GNL1: variants seen among roughly 807,000 people sequenced by gnomAD.
GNL1 encodes the protein guanine nucleotide-binding protein-like 1.
GNL1 carries 21 observed loss-of-function variants against 75.2 expected under a neutral mutation model. The ratio of observed to expected loss-of-function variants is 0.28; its 90% CI spans 0.20 to 0.40. The LOEUF is 0.40. Ranked by LOEUF, GNL1 falls within the 10% of genes least tolerant of loss-of-function variation. The pLI, the probability that GNL1 is intolerant of heterozygous loss-of-function variation, is 1.00. For synonymous variants in GNL1, 287 were observed against 303.4 expected, an observed-to-expected ratio of 0.95 and a Z score of 0.56; for missense variants, 579 against 775.0, an observed-to-expected ratio of 0.75 and a Z score of 3.00.
At position 30,545,941 on chromosome 6, in the gene GNL1, C is replaced by A; in HGVS notation, c.*131G>T. 1 of 694,152 alleles carries A rather than the reference C, an allele frequency of 1.4e-6. No individual in the cohort carries two copies. Among genetic ancestry groups the A allele is most frequent in the Non-Finnish European group, 2.5e-6 (1 of 401,746 alleles). The allele number at this position is 694,152 out of a possible 1,614,324, so 43.0% of individuals were successfully genotyped here. On this transcript the variant is annotated 3_prime_UTR_variant, in exon 12 of 12. Transcript: ENST00000376621. ...GTTAGCCTGGAACAGCCGCTCTCAC[C>A]TCAGTTCATCTGGGGAAGGGGCTAC...
intron 8 of GNL1, among the ~76,000 whole-genome samples, chr6:30,550,484 T>G (rs1156522111): frequency 6.6e-6 from 1 of 152,170 alleles, no homozygotes; most frequent in Non-Finnish European, 1.5e-5. Flanking sequence ...CTTCCGGCCC[T>G]GTCTCACCAC....
chr6:30,546,152 C>CA lies in GNL1; in HGVS notation c.1743dup (p.Glu582Ter), dbSNP rs1799436094. ...CCTGGAGCCGAGGTTGGGGTCTCCT[C>CA]ATCCCCTTCTCCCTCCTCATCCGCA... On this transcript the variant is annotated frameshift_variant, in exon 12 of 12. Coordinates refer to ENST00000376621, the MANE Select transcript of GNL1 (RefSeq NM_005275.5). LOFTEE classifies it high-confidence loss of function. The surrounding 1 kb of genome is among the most constrained non-coding windows in gnomAD (Gnocchi z 5.1). 6.4e-7 allele frequency: 1 copy of CA among 1,566,008 alleles called. No individual in the cohort carries two copies. The highest frequency in any genetic ancestry group is 1.4e-5 in the African/African-American group (1 of 73,684).
Position 30,555,518 on chromosome 6 carries a change from C to T in GNL1, c.239+37G>A, listed in dbSNP as rs751534597. On this transcript the variant is annotated intron_variant, in intron 2 of 11. Transcript: ENST00000376621. The surrounding 1 kb of genome is among the most constrained non-coding windows in gnomAD (Gnocchi z 4.3). ...CCCAAAGCTCTGACTTCCGGGTAGG[C>T]GGGAAAGCCGGGACCAGCGCCCCCT... 1.3e-6 allele frequency: 2 copies of T among 1,580,824 alleles called. No individual in the cohort carries two copies. Among genetic ancestry groups the T allele is most frequent in the South Asian group, 1.1e-5 (1 of 88,278 alleles).
At chr6:30,551,053 C>A (rs1025177801) in intron 8 of GNL1, among the ~76,000 whole-genome samples, 6 of 152,194 alleles carry the variant, frequency 3.9e-5, no homozygotes, top group Admixed American at 1.3e-4. Context: ...AATCTACAGA[C>A]CTTTTTGCCA....
At chr6:30,554,717 A>G in intron 4 of GNL1, 47 bp downstream of exon 4, 1 of 1,605,596 alleles carries the variant, frequency 6.2e-7, no homozygotes, top group Non-Finnish European at 8.5e-7. Flanking sequence ...AACCAATTTG[A>G]CCATAGGTCA....
At position 30,548,199 on chromosome 6, in the gene GNL1, G is replaced by A. The variant is rs199839259; in HGVS notation, c.1100-669C>T. ...CTCAAAAAATAATAATAATAATTAC[G>A]ATGACTTGTCCAAGGAGAAAACTGG... On this transcript the variant is annotated intron_variant, in intron 8 of 11. Coordinates refer to ENST00000376621, the MANE Select transcript of GNL1 (RefSeq NM_005275.5). This position sits in a 1 kb window ranked among gnomAD's most constrained non-coding sequence, Gnocchi z 4.2. 7.9e-5 allele frequency among the ~76,000 whole-genome samples: 12 copies of A among 152,038 alleles called. No homozygotes were observed. Among genetic ancestry groups the A allele is most frequent in the Admixed American group, 7.9e-4 (12 of 15,272 alleles).
At position 30,552,693 on chromosome 6, in the gene GNL1, C is replaced by T. The variant is rs540874668; in HGVS notation, c.905-32G>A. ...AAAGAAGGAGAAGATTAAAGAGGTT[C>T]TCCCCAGGGCTGCTGTGCATGATGG... On this transcript the variant is annotated intron_variant, in intron 7 of 11. Transcript: ENST00000376621. This position sits in a 1 kb window ranked among gnomAD's most constrained non-coding sequence, Gnocchi z 4.5. The T allele has an allele frequency of 5.9e-4, 929 of 1,583,288 alleles. 10 individuals are homozygous for T. In the South Asian group the frequency reaches 1.0e-2, roughly 17 times the overall value.
chr6:30,550,607 C>G (rs1799715954), intron 8 of GNL1, among the ~76,000 whole-genome samples: 1 of 152,120 alleles, frequency 6.6e-6, no homozygotes, highest in East Asian at 1.9e-4. Flanking sequence ...CATTTATTCT[C>G]TACTCAGGAG....
rs1168453849 is a variant in GNL1 at position 30,544,263 on chromosome 6, C to T, written c.*1809G>A. On this transcript the variant is annotated 3_prime_UTR_variant, in exon 12 of 12. Coordinates refer to ENST00000376621, the MANE Select transcript of GNL1 (RefSeq NM_005275.5). ...TCCCAGTCAATTCTTCATCCCCACCCCTAGACTCTCCCAAATACCCCTGAT... is the reference window on the plus strand; with the variant it reads ...TCCCAGTCAATTCTTCATCCCCACCTCTAGACTCTCCCAAATACCCCTGAT... The T allele has an allele frequency of 6.6e-6, 1 of 152,054 alleles. No individual in the cohort carries two copies. The highest frequency in any genetic ancestry group is 1.5e-5 in the Non-Finnish European group (1 of 68,022). The allele number at this position is 152,054 out of a possible 1,614,324, so 9.4% of individuals were successfully genotyped here. A position where few individuals can be genotyped will look rare whatever the true frequency, so the allele number is the denominator to read the frequency against.
Position 30,546,722 on chromosome 6 carries a change from T to C in GNL1, c.1556A>G (p.His519Arg). 2.5e-6 allele frequency: 4 copies of C among 1,610,248 alleles called. No homozygotes were observed. The highest frequency in any genetic ancestry group is 3.4e-6 in the Non-Finnish European group (4 of 1,177,880). Residue 519 changes from histidine to arginine, a missense_variant, in exon 11 of 12, where the codon CAT (histidine) becomes CGT (arginine). Transcript: ENST00000376621. The surrounding 1 kb of genome is among the most constrained non-coding windows in gnomAD (Gnocchi z 5.1). ...AVDGRLSLCF[H>R]PPGYSEQKGT... ...TTTCTGTTCACTGTAGCCTGGGGGA[T>C]GAAAACACAGGCTGAGGCGGCCGTC... is the stretch of plus-strand genomic sequence containing the variant.
In GNL1 at chr6:30,545,300, C is replaced by T. The variant is rs1799384406; in HGVS notation, c.*772G>A. 1 of 152,246 alleles carries T rather than the reference C, an allele frequency of 6.6e-6. No individual in the cohort carries two copies. The highest frequency in any genetic ancestry group is 2.4e-5 in the African/African-American group (1 of 41,462). The allele number at this position is 152,246 out of a possible 1,614,324, so 9.4% of individuals were successfully genotyped here. A position where few individuals can be genotyped will look rare whatever the true frequency, so the allele number is the denominator to read the frequency against. On this transcript the variant is annotated 3_prime_UTR_variant, in exon 12 of 12. Coordinates refer to ENST00000376621, the MANE Select transcript of GNL1 (RefSeq NM_005275.5). ...AGTTGTTCACCAGTAATTAAAACTA[C>T]TCGTACACATTTAATCAACATTTTC...
Position 30,546,046 on chromosome 6 carries a change from A to G in GNL1, c.*26T>C. 6.4e-7 allele frequency: 1 copy of G among 1,552,120 alleles called. No individual in the cohort carries two copies. Among genetic ancestry groups the G allele is most frequent in the Non-Finnish European group, 8.8e-7 (1 of 1,134,382 alleles). ...TCAGTCCAAAAGCAAAGATACTGGG[A>G]GGGAAGATGGCGCTGGGCGAGGAAC... On this transcript the variant is annotated 3_prime_UTR_variant, in exon 12 of 12. Coordinates refer to ENST00000376621, the MANE Select transcript of GNL1 (RefSeq NM_005275.5). The surrounding 1 kb of genome is among the most constrained non-coding windows in gnomAD (Gnocchi z 5.1).
rs1250462317 is a variant in GNL1, at chr6:30,542,963, CT to C, written c.*3108del. On this transcript the variant is annotated 3_prime_UTR_variant, in exon 12 of 12. Transcript: ENST00000376621. This position sits in a 1 kb window ranked among gnomAD's most constrained non-coding sequence, Gnocchi z 4.5. ...TTTCCTCATTTCTCCTTTGCACCCT[CT>C]GCCTCTGAACAAGTTACAGTCTTCC... The C allele has an allele frequency of 6.6e-6, 1 of 152,344 alleles. No individual in the cohort carries two copies. The highest frequency in any genetic ancestry group is 1.5e-5 in the Non-Finnish European group (1 of 68,084). 9.4% of individuals were successfully genotyped at this position (152,344 alleles called of 1,614,324 possible).
chr6:30,546,192 T>C lies in GNL1; in HGVS notation c.1704A>G (p.Gly568=). 1.3e-6 allele frequency: 2 copies of C among 1,543,310 alleles called. No individual in the cohort carries two copies. Among genetic ancestry groups the C allele is most frequent in the Non-Finnish European group, 1.8e-6 (2 of 1,133,912 alleles). Residue 568 remains glycine (G), a synonymous_variant, in exon 12 of 12, where the codon GGA becomes GGG. Transcript: ENST00000376621. The surrounding 1 kb of genome is among the most constrained non-coding windows in gnomAD (Gnocchi z 5.1). ...CCTCATCCGCATCCCGGTCCTCCTCTCCCTCCTCCTCACAGGAGCTGCTCA... is the reference window on the plus strand; with the variant it reads ...CCTCATCCGCATCCCGGTCCTCCTCCCCCTCCTCCTCACAGGAGCTGCTCA... The part of the protein sequence containing the change: ...EELSSSCEEE[G]EEDRDADEEG...
Position 30,547,415 on chromosome 6 carries a change from G to A in GNL1, c.1215C>T (p.Pro405=). The A allele has an allele frequency of 6.2e-7, 1 of 1,613,964 alleles. No homozygotes were observed. The highest frequency in any genetic ancestry group is 1.1e-5 in the South Asian group (1 of 91,050). Residue 405 remains proline (P), a synonymous_variant, in exon 9 of 12, where the codon CCC becomes CCT. Transcript: ENST00000376621. This position sits in a 1 kb window ranked among gnomAD's most constrained non-coding sequence, Gnocchi z 5.5. Reference sequence around the variant, plus strand: ...CTGGGCAGTCACAGAGCTTCACAGAGGGGGTAAGAAAGTAGGTCTGAAAGT... The same window carrying A: ...CTGGGCAGTCACAGAGCTTCACAGAAGGGGTAAGAAAGTAGGTCTGAAAGT... ...TRYFQTYFLT[P]SVKLCDCPGL...
rs1799873585 is a variant in GNL1, at chr6:30,552,743, A to AT, written c.905-83dup. On this transcript the variant is annotated intron_variant, in intron 7 of 11. Transcript: ENST00000376621. The surrounding 1 kb of genome is among the most constrained non-coding windows in gnomAD (Gnocchi z 4.5). ...GCACATACTGTGCCCTGCACAGATT[A>AT]TGTAACTGGCACCCTCTGGAGTTGT... 21 of 1,259,870 alleles carry AT rather than the reference A, an allele frequency of 1.7e-5. No homozygotes were observed. The East Asian group carries it at 5.0e-4, about 30-fold the overall frequency. 78.0% of individuals were successfully genotyped at this position (1,259,870 alleles called of 1,614,324 possible).
At position 30,546,064 on chromosome 6, in the gene GNL1, C is replaced by T. The variant is rs1340183742; in HGVS notation, c.*8G>A. On this transcript the variant is annotated 3_prime_UTR_variant, in exon 12 of 12. Transcript: ENST00000376621. The surrounding 1 kb of genome is among the most constrained non-coding windows in gnomAD (Gnocchi z 5.1). ...TACTGGGAGGGAAGATGGCGCTGGG[C>T]GAGGAACTCAGCACTCATCCTCACC... The T allele has an allele frequency of 3.8e-6, 6 of 1,586,128 alleles. No homozygotes were observed. Among genetic ancestry groups the T allele is most frequent in the Non-Finnish European group, 3.4e-6 (4 of 1,164,090 alleles).
Position 30,555,776 on chromosome 6 carries a change from C to A in GNL1, c.74-56G>T. On this transcript the variant is annotated intron_variant, in intron 1 of 11. Coordinates refer to ENST00000376621, the MANE Select transcript of GNL1 (RefSeq NM_005275.5). The surrounding 1 kb of genome is among the most constrained non-coding windows in gnomAD (Gnocchi z 4.3). ...GGCCAGCTCTCAGGGGCCATAAGAC[C>A]CTCTCCCCCATCGGCCTGACTCCCT... 6.4e-7 allele frequency: 1 copy of A among 1,559,130 alleles called. No homozygotes were observed. The highest frequency in any genetic ancestry group is 2.2e-5 in the East Asian group (1 of 44,448).
chr6:30,554,253 C>A (rs903187755), intron 5 of GNL1, among the ~76,000 whole-genome samples: 1 of 152,138 alleles, frequency 6.6e-6, no homozygotes, highest in Non-Finnish European at 1.5e-5. Flanking sequence ...GAAGAAAGGG[C>A]ATCTTTGGGC....
Sources: allele counts gnomAD v4.1 joint callset (sites outside exome capture counted in the v4.1 genomes callset), GRCh38; gene constraint gnomAD v4.1.1; non-coding constraint Gnocchi (gnomAD v3.1); transcripts MANE v1.5; gene names NCBI Gene and HGNC (gene_info 2026-07-23, HGNC 2026-07-21).